Variants in IQGAP1 observed in about 807,000 individuals in gnomAD.
IQGAP1 encodes ras GTPase-activating-like protein IQGAP1.
A neutral mutation model predicts 215.6 loss-of-function variants in IQGAP1; 66 were observed. The observed-to-expected ratio is 0.31, with a 90% CI of 0.25 to 0.38. IQGAP1 has a LOEUF of 0.38. Ranked by LOEUF, IQGAP1 falls within the 10% of genes least tolerant of loss-of-function variation. IQGAP1 has a pLI of 1.00. For missense variants in IQGAP1, 1,712 were observed against 1,997.1 expected (o/e 0.86, Z 2.72); for synonymous variants, 772 against 728.7 (o/e 1.06, Z -0.96).
At chr15:90,447,126 A>G (rs6496677) in intron 9 of IQGAP1, among the ~76,000 whole-genome samples, 55,057 of 152,026 alleles carry the variant, frequency 0.36, 10,602 homozygotes, top group East Asian at 0.67. Context: ...TATATTTGCA[A>G]CATATAGCAG....
At chr15:90,460,991 C>G (rs893679735) in intron 15 of IQGAP1, among the ~76,000 whole-genome samples, 17 of 133,978 alleles carry the variant, frequency 1.3e-4, no homozygotes, top group Non-Finnish European at 2.3e-4. Flanking sequence ...AAAGCAAGAC[C>G]CTGTCTTTAA....
Position 90,472,864 on chromosome 15 carries a change from G to A in IQGAP1, c.2203G>A (p.Ala735Thr), listed in dbSNP as rs372623251. 1.4e-5 allele frequency: 22 copies of A among 1,612,532 alleles called. No homozygotes were observed. Among genetic ancestry groups the A allele is most frequent in the Admixed American group, 5.0e-5 (3 of 59,792 alleles). Reference protein sequence around the residue: ...IQSSISGVTAAYNREQLWLAN... With the variant: ...IQSSISGVTATYNREQLWLAN... ...GAGTTCTATCTCTGGGGTGACTGCCGCATATAACCGAGAACAGCTGTGGCT... is the reference window on the plus strand; with the variant it reads ...GAGTTCTATCTCTGGGGTGACTGCCACATATAACCGAGAACAGCTGTGGCT... The change falls in exon 19 of 38, where the codon GCA becomes ACA. Residue 735 changes from alanine to threonine, a missense_variant. Ala to Thr is a moderately conservative substitution (Grantham distance 58, BLOSUM62 0). This residue lies in a region of IQGAP1 where 1,021 missense variants were observed against 1,074.2 expected (regional missense o/e 0.95). Coordinates refer to ENST00000268182, the MANE Select transcript of IQGAP1 (RefSeq NM_003870.4).
chr15:90,456,687 C>T (rs1428270085), intron 15 of IQGAP1, among the ~76,000 whole-genome samples: 1 of 149,200 alleles, frequency 6.7e-6, no homozygotes, highest in Non-Finnish European at 1.5e-5. Flanking sequence ...ACCAGCCTGG[C>T]CAACATGGTG....
At chr15:90,442,621 C>G (rs1170416399) in intron 8 of IQGAP1, among the ~76,000 whole-genome samples, 1 of 152,130 alleles carries the variant, frequency 6.6e-6, no homozygotes, top group African/African-American at 2.4e-5. Context: ...AGCTGCTGCC[C>G]TGCCTCTGCC....
chr15:90,426,147 A>G lies in IQGAP1; in HGVS notation c.193A>G (p.Thr65Ala), dbSNP rs765432224. 1 of 1,605,958 alleles carries G rather than the reference A, an allele frequency of 6.2e-7. No individual in the cohort carries two copies. The highest frequency in any genetic ancestry group is 8.5e-7 in the Non-Finnish European group (1 of 1,176,806). ...EACLGEDLPP[T>A]TELEEGLRNG... ...ATGCCTAGGGGAAGATCTGCCTCCCACCACAGAACTGGAGGAGGGGCTTAG... is the reference window on the plus strand; with the variant it reads ...ATGCCTAGGGGAAGATCTGCCTCCCGCCACAGAACTGGAGGAGGGGCTTAG... Residue 65 changes from threonine to alanine, a missense_variant, in exon 3 of 38, where the codon ACC becomes GCC. Coordinates refer to ENST00000268182, the MANE Select transcript of IQGAP1 (RefSeq NM_003870.4).
chr15:90,425,419 C>T (rs189981641), intron 2 of IQGAP1, among the ~76,000 whole-genome samples: 19 of 152,174 alleles, frequency 1.2e-4, no homozygotes, highest in Admixed American at 4.6e-4. Flanking sequence ...TTTGTTTTAT[C>T]TTAGGCTTTC....
At chr15:90,419,149 A>G (rs1596257268) in intron 2 of IQGAP1, among the ~76,000 whole-genome samples, 2 of 152,204 alleles carry the variant, frequency 1.3e-5, no homozygotes, top group South Asian at 4.2e-4. Flanking sequence ...AGAAAAAAAA[A>G]AAAAAAAGCC....
chr15:90,460,303 A>C (rs1965743914), intron 15 of IQGAP1, among the ~76,000 whole-genome samples: 1 of 152,146 alleles, frequency 6.6e-6, no homozygotes, highest in Non-Finnish European at 1.5e-5. Context: ...CAGCCCACAC[A>C]TGCACTGTGG....
chr15:90,423,801 A>T (rs1028212426), intron 2 of IQGAP1, among the ~76,000 whole-genome samples: 5 of 152,212 alleles, frequency 3.3e-5, no homozygotes, highest in African/African-American at 1.2e-4. Flanking sequence ...GAAACATCTA[A>T]GTCAGGACTG....
At chr15:90,498,522 T>C (rs541962772) in intron 37 of IQGAP1, among the ~76,000 whole-genome samples, 2 of 152,336 alleles carry the variant, frequency 1.3e-5, no homozygotes, top group Admixed American at 1.3e-4. Context: ...AATTTATTAA[T>C]TTATGTACAA....
At chr15:90,417,660 T>C (rs1965072283) in intron 2 of IQGAP1, among the ~76,000 whole-genome samples, 1 of 152,220 alleles carries the variant, frequency 6.6e-6, no homozygotes, top group Non-Finnish European at 1.5e-5. Context: ...GCTTCCAGCT[T>C]TGTTCTTTTG....
intron 2 of IQGAP1, among the ~76,000 whole-genome samples, chr15:90,420,225 A>G (rs1200870769): frequency 3.9e-5 from 6 of 152,168 alleles, no homozygotes; most frequent in South Asian, 2.1e-4. Flanking sequence ...TTAATCCTCA[A>G]TGACAAACCT....
intron 17 of IQGAP1, among the ~76,000 whole-genome samples, chr15:90,467,016 C>T (rs892204480): frequency 1.1e-4 from 16 of 152,012 alleles, no homozygotes; most frequent in Non-Finnish European, 1.5e-4. Context: ...CGCCTGAACC[C>T]GGGAGGCAGA....
At chr15:90,464,791 G>A (rs2151028481) in intron 15 of IQGAP1, among the ~76,000 whole-genome samples, 1 of 151,886 alleles carries the variant, frequency 6.6e-6, no homozygotes, top group South Asian at 2.1e-4. Context: ...GGCAGAGCTT[G>A]CAGTGAGCCG....
chr15:90,443,118 TG>T (rs1965475379), intron 8 of IQGAP1, among the ~76,000 whole-genome samples: 1 of 152,114 alleles, frequency 6.6e-6, no homozygotes. Context: ...GCCACCACAT[TG>T]GGCTAATAAA....
chr15:90,389,021 GC>G (rs1041738305), intron 1 of IQGAP1, among the ~76,000 whole-genome samples: 3 of 152,170 alleles, frequency 2.0e-5, no homozygotes, highest in African/African-American at 7.2e-5. Context: ...TGAACTGCAG[GC>G]AGGATTGGCT....
At position 90,473,738 on chromosome 15, in the gene IQGAP1, G is replaced by A. The variant is rs774722138; in HGVS notation, c.2373G>A (p.Gln791=). 3.7e-6 allele frequency: 6 copies of A among 1,610,572 alleles called. No individual in the cohort carries two copies. Among genetic ancestry groups the A allele is most frequent in the Non-Finnish European group, 5.1e-6 (6 of 1,178,596 alleles). ...CIQSQWRGYK[Q]KKAYQDRLAY... ...AGTCACAGTGGAGAGGATACAAGCA[G>A]AAGAAGGCATATCAAGATCGGTTAG... Residue 791 remains glutamine (Q), a synonymous_variant, in exon 20 of 38, where the codon CAG becomes CAA. Transcript: ENST00000268182.
chr15:90,410,580 A>G (rs953215853), intron 2 of IQGAP1, among the ~76,000 whole-genome samples: 4 of 152,036 alleles, frequency 2.6e-5, no homozygotes, highest in Admixed American at 6.6e-5. Context: ...GCAAACTATC[A>G]CAAGGACAGA....
chr15:90,479,198 T>G (rs1181984217), intron 26 of IQGAP1, among the ~76,000 whole-genome samples: 1 of 152,210 alleles, frequency 6.6e-6, no homozygotes, highest in African/African-American at 2.4e-5. Flanking sequence ...GAAAATCATC[T>G]GTGCACACTG....
Sources: allele counts gnomAD v4.1 joint callset (sites outside exome capture counted in the v4.1 genomes callset), GRCh38; gene constraint gnomAD v4.1.1; regional missense constraint gnomAD v4.1.1; transcripts MANE v1.5; gene names NCBI Gene and HGNC (gene_info 2026-07-23, HGNC 2026-07-21).